CHST9: variants seen among roughly 807,000 people sequenced by gnomAD.
CHST9 encodes carbohydrate sulfotransferase 9, also known as GalNAc-4-sulfotransferase 2.
CHST9 carries 41 observed loss-of-function variants against 44.4 expected under a neutral mutation model. The ratio of observed to expected loss-of-function variants is 0.92; its 90% CI spans 0.72 to 1.20. The LOEUF is 1.20. Among genes scored for constraint, CHST9 ranks in the 50% most tolerant of loss-of-function variants. The probability of loss-of-function intolerance (pLI) is 0.00; values close to 1 mark genes in which losing one functional copy is unlikely to be tolerated. For missense variants in CHST9, 504 were observed against 516.5 expected, an observed-to-expected ratio of 0.98 and a Z score of 0.23; for synonymous variants, 171 against 178.4, an observed-to-expected ratio of 0.96 and a Z score of 0.33.
intron 4 of CHST9, among the ~76,000 whole-genome samples, chr18:27,008,897 G>T (rs144282196): frequency 1.3e-4 from 19 of 145,878 alleles, no homozygotes; most frequent in African/African-American, 4.5e-4. Context: ...TGTTTTTTTG[G>T]TTCTGTTCTG....
chr18:27,113,766 A>G (rs896311553), intron 2 of CHST9, among the ~76,000 whole-genome samples: 1 of 152,184 alleles, frequency 6.6e-6, no homozygotes, highest in African/African-American at 2.4e-5. Context: ...CAAGCTCCCC[A>G]GTTTACGGTA....
In CHST9 at chr18:27,042,786, TCTCC is replaced by T. The variant is rs59728816; in HGVS notation, c.160+5675_160+5678del. ...TCTTCTCTCTCTATCTCTCTCTCTCTCTCCCTCCCTCCCTCTCTCTCTCTTTTAT... is the reference window on the plus strand; with the variant it reads ...TCTTCTCTCTCTATCTCTCTCTCTCTCTCCCTCCCTCTCTCTCTCTTTTAT... On this transcript the variant is annotated intron_variant, in intron 3 of 5. Coordinates refer to ENST00000618847, the MANE Select transcript of CHST9 (RefSeq NM_031422.6). Among the ~76,000 whole-genome samples, 889 of 151,892 alleles carry T rather than the reference TCTCC, an allele frequency of 5.9e-3. 6 individuals carry two copies. The highest frequency in any genetic ancestry group is 0.02 in the African/African-American group (837 of 41,384).
intron 4 of CHST9, among the ~76,000 whole-genome samples, chr18:27,011,616 G>A (rs1172152440): frequency 1.3e-5 from 2 of 152,208 alleles, no homozygotes; most frequent in African/African-American, 2.4e-5. Flanking sequence ...ATTGAAAAGG[G>A]GAGATCTTTT....
intron 4 of CHST9, among the ~76,000 whole-genome samples, chr18:27,014,453 CAAAAAAAAAAAAAAAAAAAAAAAA>C (rs57437876): frequency 1.0e-4 from 4 of 39,420 alleles, no homozygotes; most frequent in East Asian, 8.1e-4. Flanking sequence ...GACTCTGTCT[CAAAAAAAAAAAAAAAAAAAAAAAA>C]AAAAAAAAAA....
chr18:27,041,743 T>C (rs1319471306), intron 3 of CHST9, among the ~76,000 whole-genome samples: 2 of 152,118 alleles, frequency 1.3e-5, no homozygotes, highest in African/African-American at 4.8e-5. Flanking sequence ...AAATTTAAGG[T>C]ATTTTAAAAA....
intron 5 of CHST9, chr18:26,936,287 T>G (rs534118206): frequency 1.3e-5 from 2 of 152,088 alleles, no homozygotes; most frequent in African/African-American, 4.8e-5. Context: ...CCAGAAAATA[T>G]CAAGTTTTCA....
chr18:27,165,690 C>T (rs900098180), intron 1 of CHST9, among the ~76,000 whole-genome samples: 2 of 152,138 alleles, frequency 1.3e-5, no homozygotes, highest in Non-Finnish European at 1.5e-5. Flanking sequence ...CGTAGTGATG[C>T]CAAAATTATG....
At chr18:27,151,263 CAA>C (rs2058656960) in intron 1 of CHST9, among the ~76,000 whole-genome samples, 1 of 151,824 alleles carries the variant, frequency 6.6e-6, no homozygotes, top group Non-Finnish European at 1.5e-5. Context: ...CTCAATTCTC[CAA>C]AAAAGTGGGA....
intron 5 of CHST9, chr18:26,928,374 C>T (rs1249655554): frequency 6.6e-6 from 1 of 152,146 alleles, no homozygotes; most frequent in African/African-American, 2.4e-5. Flanking sequence ...ACTGGAAGTA[C>T]AAGAAAGAAG....
intron 5 of CHST9, among the ~76,000 whole-genome samples, chr18:26,923,229 A>T (rs140169298): frequency 6.6e-6 from 1 of 152,394 alleles, no homozygotes; most frequent in African/African-American, 2.4e-5. Flanking sequence ...TACTATTGGA[A>T]GCTGGGAGAG....
chr18:26,927,497 C>A (rs1277325175), intron 5 of CHST9, among the ~76,000 whole-genome samples: 2 of 152,034 alleles, frequency 1.3e-5, no homozygotes, highest in Admixed American at 1.3e-4. Context: ...AATAGGGTAA[C>A]AGTGGGGAGA....
intron 2 of CHST9, among the ~76,000 whole-genome samples, chr18:27,070,647 C>T (rs972125027): frequency 2.0e-5 from 3 of 151,626 alleles, no homozygotes; most frequent in South Asian, 4.2e-4. Context: ...AGGTCCCCCA[C>T]TAAGTGGGAA....
intron 4 of CHST9, among the ~76,000 whole-genome samples, chr18:26,950,969 G>GA (rs1159046545): frequency 2.0e-5 from 3 of 152,004 alleles, no homozygotes; most frequent in Non-Finnish European, 4.4e-5. Context: ...ATTAAAGAGG[G>GA]AAAAAATAAA....
chr18:27,113,733 G>C (rs773551581), intron 2 of CHST9, among the ~76,000 whole-genome samples: 3 of 152,134 alleles, frequency 2.0e-5, no homozygotes, highest in African/African-American at 7.2e-5. Flanking sequence ...CTAGAATGAT[G>C]AGACATAAAT....
chr18:26,921,540 T>G (rs2055654164), intron 5 of CHST9, among the ~76,000 whole-genome samples: 1 of 152,176 alleles, frequency 6.6e-6, no homozygotes, highest in Admixed American at 6.5e-5. Flanking sequence ...TCGGGTTTGA[T>G]GACATCCCTC....
intron 4 of CHST9, among the ~76,000 whole-genome samples, chr18:27,019,685 A>G (rs1329203033): frequency 4.4e-5 from 5 of 112,446 alleles, no homozygotes; most frequent in African/African-American, 1.0e-4. Flanking sequence ...GTTTCACTAC[A>G]TGGCAAAAAA....
At chr18:26,966,819 C>T (rs1163376581) in intron 4 of CHST9, among the ~76,000 whole-genome samples, 1 of 151,362 alleles carries the variant, frequency 6.6e-6, no homozygotes, top group African/African-American at 2.4e-5. Context: ...TCTGGTTGTC[C>T]CTGGCTAAGT....
At chr18:27,033,301 C>T (rs2057359506) in intron 3 of CHST9, among the ~76,000 whole-genome samples, 1 of 152,178 alleles carries the variant, frequency 6.6e-6, no homozygotes, top group South Asian at 2.1e-4. Context: ...GTCTGGTAGA[C>T]AATCACCCAA....
At chr18:27,113,978 TA>T (rs1368765526) in intron 2 of CHST9, among the ~76,000 whole-genome samples, 2 of 152,172 alleles carry the variant, frequency 1.3e-5, no homozygotes, top group African/African-American at 2.4e-5. Flanking sequence ...ATTTAAATGT[TA>T]GGGGTGAACA....
Sources: allele counts gnomAD v4.1 joint callset (sites outside exome capture counted in the v4.1 genomes callset), GRCh38; gene constraint gnomAD v4.1.1; transcripts MANE v1.5; gene names NCBI Gene and HGNC (gene_info 2026-07-23, HGNC 2026-07-21).